The following PCNX2 variants were observed in gnomAD, a reference collection of about 807,000 sequenced individuals.
PCNX2 encodes the protein pecanex-like protein 2.
Under a neutral mutation model 223.8 loss-of-function variants are expected in PCNX2, and 168 were observed. The observed-to-expected ratio is 0.75, with a 90% CI of 0.66 to 0.85. PCNX2 has a LOEUF of 0.85. Among genes scored for constraint, PCNX2 ranks in the 40% least tolerant of loss-of-function variants. PCNX2 has a pLI of 0.00. For missense variants in PCNX2, 2,507 were observed against 2,675.5 expected (o/e 0.94, Z 1.39); for synonymous variants, 1,006 against 1,052.6 (o/e 0.96, Z 0.86).
chr1:233,103,556 G>C (rs1429412269), intron 21 of PCNX2, among the ~76,000 whole-genome samples: 1 of 151,966 alleles, frequency 6.6e-6, no homozygotes, highest in Non-Finnish European at 1.5e-5. Context: ...TCTGTGCCCA[G>C]CTTTTTTTAC....
At chr1:233,240,591 G>A (rs769155255) in intron 8 of PCNX2, among the ~76,000 whole-genome samples, 15 of 152,112 alleles carry the variant, frequency 9.9e-5, no homozygotes, top group Non-Finnish European at 2.2e-4. Flanking sequence ...GTGAATCTTT[G>A]GTAAACTAGT....
intron 5 of PCNX2, among the ~76,000 whole-genome samples, chr1:233,256,238 T>A (rs1659726828): frequency 6.6e-6 from 1 of 152,142 alleles, no homozygotes; most frequent in East Asian, 1.9e-4. Flanking sequence ...ACATACAGCC[T>A]GAGGGGAAAA....
At chr1:233,315,323 T>C in the PCNX2 span, among the ~76,000 whole-genome samples, 2 of 152,246 alleles carry the variant, frequency 1.3e-5, no homozygotes, top group Non-Finnish European at 2.9e-5. Context: ...TTGTGCTAAA[T>C]TAACATACGC....
chr1:233,285,478 A>G (rs999466564), intron 1 of PCNX2, among the ~76,000 whole-genome samples: 21 of 152,066 alleles, frequency 1.4e-4, no homozygotes, highest in Non-Finnish European at 3.1e-4. Context: ...GTTCGAGACC[A>G]GCCTGGCCAA....
At chr1:233,247,893 A>T (rs941621521) in intron 8 of PCNX2, among the ~76,000 whole-genome samples, 12 of 151,382 alleles carry the variant, frequency 7.9e-5, no homozygotes, top group Non-Finnish European at 1.8e-4. Flanking sequence ...AAAAAAAAAA[A>T]AAGTGCTGAG....
intron 9 of PCNX2, among the ~76,000 whole-genome samples, chr1:233,233,892 G>C (rs1474494697): frequency 6.6e-6 from 1 of 151,994 alleles, no homozygotes; most frequent in Non-Finnish European, 1.5e-5. Flanking sequence ...TGGCCAGGTC[G>C]TTTCTCTGTC....
At chr1:233,080,508 A>G (rs1284385638) in intron 23 of PCNX2, among the ~76,000 whole-genome samples, 3 of 152,006 alleles carry the variant, frequency 2.0e-5, no homozygotes, top group Non-Finnish European at 4.4e-5. Flanking sequence ...AACAACAGAA[A>G]TATGTTGCTC....
At chr1:232,985,998 A>C (rs1669460310) in intron 33 of PCNX2, 94 bp downstream of exon 33, 4 of 1,358,344 alleles carry the variant, frequency 2.9e-6, no homozygotes, top group Non-Finnish European at 4.1e-6. Flanking sequence ...TTCTGCAGGC[A>C]GAAGGGTGGG....
intron 23 of PCNX2, among the ~76,000 whole-genome samples, chr1:233,079,307 G>C (rs368085812): frequency 2.6e-5 from 4 of 151,954 alleles, no homozygotes; most frequent in Non-Finnish European, 1.5e-5. Flanking sequence ...AGCAGATCAC[G>C]AGGTCAGGAG....
At chr1:233,003,251 G>A (rs12040391) in intron 28 of PCNX2, among the ~76,000 whole-genome samples, 38,632 of 151,818 alleles carry the variant, frequency 0.25, 5,191 homozygotes, top group African/African-American at 0.32. Context: ...TTTGCAATCT[G>A]TCTATCTGAC....
At chr1:233,261,511 A>G (rs1258196794) in intron 3 of PCNX2, among the ~76,000 whole-genome samples, 190 bp from the exon 4 acceptor site, 2 of 152,220 alleles carry the variant, frequency 1.3e-5, no homozygotes, top group Non-Finnish European at 2.9e-5. Context: ...GTAAATGTGG[A>G]CATTCAACCG....
chr1:233,196,652 A>G (rs1046814626), intron 15 of PCNX2, among the ~76,000 whole-genome samples: 5 of 152,306 alleles, frequency 3.3e-5, no homozygotes, highest in Admixed American at 3.3e-4. Context: ...TAAAACCACA[A>G]TCAGATACTG....
chr1:233,091,524 T>C (rs1026119476), intron 22 of PCNX2, among the ~76,000 whole-genome samples: 1 of 151,774 alleles, frequency 6.6e-6, no homozygotes, highest in Non-Finnish European at 1.5e-5. Context: ...AGGGAGTGAG[T>C]CTTGTGCTGT....
chr1:233,157,405 ATGCCTTATCTT>A (rs1678194781), intron 19 of PCNX2, among the ~76,000 whole-genome samples: 2 of 152,186 alleles, frequency 1.3e-5, no homozygotes, highest in Admixed American at 1.3e-4. Flanking sequence ...GGCAGCACAT[ATGCCTTATCTT>A]ACTGTTCCAG....
chr1:233,182,304 A>G (rs1427662005), intron 15 of PCNX2, among the ~76,000 whole-genome samples: 1 of 152,124 alleles, frequency 6.6e-6, no homozygotes, highest in East Asian at 1.9e-4. Context: ...GTGTGCCATC[A>G]ATACACATTT....
the PCNX2 span, among the ~76,000 whole-genome samples, chr1:233,306,295 T>C: frequency 6.6e-6 from 1 of 152,232 alleles, no homozygotes; most frequent in Admixed American, 6.5e-5. Flanking sequence ...GATAAGTTAA[T>C]AATTCAACAA....
At chr1:233,202,088 A>C (rs1012087335) in intron 13 of PCNX2, 1 of 431,888 alleles carries the variant, frequency 2.3e-6, no homozygotes, top group Non-Finnish European at 4.7e-6. Flanking sequence ...GAGGGAGTCC[A>C]TGTGTCTCAT....
the PCNX2 span, among the ~76,000 whole-genome samples, chr1:233,321,472 A>G: frequency 6.6e-6 from 1 of 151,822 alleles, no homozygotes; most frequent in Non-Finnish European, 1.5e-5. Flanking sequence ...TAATTTTTGT[A>G]TTTTTAGTAG....
intron 26 of PCNX2, 151 bp downstream of exon 26, chr1:233,024,995 T>C: frequency 9.4e-7 from 1 of 1,063,146 alleles, no homozygotes; most frequent in Admixed American, 2.6e-5. Flanking sequence ...CTAGGATTTT[T>C]CCAAAAGCAA....
Sources: allele counts gnomAD v4.1 joint callset (sites outside exome capture counted in the v4.1 genomes callset), GRCh38; gene constraint gnomAD v4.1.1; transcripts MANE v1.5; gene names NCBI Gene and HGNC (gene_info 2026-07-23, HGNC 2026-07-21).